Variants in MFSD11 observed in about 807,000 individuals in gnomAD.
The protein encoded by MFSD11 is major facilitator superfamily domain containing 11.
In MFSD11, 36 loss-of-function variants were observed where a neutral mutation model predicts 53.5. That is an observed-to-expected ratio of 0.67 (90% CI 0.52 to 0.89). The LOEUF (loss-of-function observed/expected upper bound fraction) is 0.89, where lower values mean the gene tolerates loss of function less well. Among genes scored for constraint, MFSD11 ranks in the 40% least tolerant of loss-of-function variants. MFSD11 has a pLI of 0.00. For missense variants in MFSD11, 530 were observed against 543.9 expected, an observed-to-expected ratio of 0.97 and a Z score of 0.25; for synonymous variants, 186 against 184.9, an observed-to-expected ratio of 1.01 and a Z score of -0.05.
intron 10 of MFSD11, among the ~76,000 whole-genome samples, chr17:76,773,669 G>A (rs569539193): frequency 3.3e-5 from 5 of 152,084 alleles, no homozygotes; most frequent in South Asian, 2.1e-4. Context: ...GTGCAGTGGC[G>A]CAATCTTGGC....
chr17:76,777,080 A>C (rs2081905171), intron 12 of MFSD11, among the ~76,000 whole-genome samples: 2 of 152,074 alleles, frequency 1.3e-5, no homozygotes, highest in Admixed American at 6.5e-5. Flanking sequence ...ATCCTGGCTA[A>C]CACGGTGAAA....
At chr17:76,785,542 G>C (rs896100970), downstream of MFSD11, among the ~76,000 whole-genome samples, 5 of 151,712 alleles carry the variant, frequency 3.3e-5, no homozygotes, top group Non-Finnish European at 1.5e-5. Context: ...GTTTCACCAT[G>C]CTGCCAGGCT....
chr17:76,758,811 G>A (rs761887565), intron 8 of MFSD11, among the ~76,000 whole-genome samples: 1 of 152,018 alleles, frequency 6.6e-6, no homozygotes, highest in Non-Finnish European at 1.5e-5. Context: ...CTTGAACAGC[G>A]TGGGGCATGG....
chr17:76,750,723 ATCT>A (rs749935409), intron 7 of MFSD11, among the ~76,000 whole-genome samples: 4 of 151,076 alleles, frequency 2.6e-5, no homozygotes, highest in Admixed American at 2.6e-4. Flanking sequence ...AGTTAACAAG[ATCT>A]TCTTTACATT....
intron 12 of MFSD11, among the ~76,000 whole-genome samples, chr17:76,777,892 T>TG (rs2144952009): frequency 6.6e-6 from 1 of 152,314 alleles, no homozygotes; most frequent in East Asian, 1.9e-4. Flanking sequence ...TTGTGCAGGC[T>TG]GGTCTTGAAC....
intron 2 of MFSD11, among the ~76,000 whole-genome samples, chr17:76,739,709 G>T (rs980307985): frequency 3.9e-5 from 6 of 152,068 alleles, no homozygotes; most frequent in Non-Finnish European, 7.4e-5. Flanking sequence ...AGATTGGATC[G>T]TGGCACTCCC....
chr17:76,745,812 C>T (rs59567050), intron 7 of MFSD11, among the ~76,000 whole-genome samples: 3,950 of 149,000 alleles, frequency 0.027, 155 homozygotes, highest in African/African-American at 0.086. Context: ...TTATTATTTA[C>T]TTATTTATTT....
the MFSD11 span, among the ~76,000 whole-genome samples, chr17:76,791,438 A>G: frequency 6.7e-6 from 1 of 148,292 alleles, no homozygotes; most frequent in African/African-American, 2.5e-5. Context: ...TCTCAGTTTT[A>G]TATCTTAGAA....
the MFSD11 span, among the ~76,000 whole-genome samples, chr17:76,795,717 C>T: frequency 2.0e-5 from 3 of 151,872 alleles, no homozygotes; most frequent in African/African-American, 4.8e-5. Flanking sequence ...AATTTCCTAC[C>T]AGATCAGCTC....
downstream of MFSD11, chr17:76,781,558 C>T (rs150185131): frequency 3.3e-4 from 50 of 152,358 alleles, no homozygotes; most frequent in African/African-American, 1.2e-3. Context: ...TCCCAAGCCT[C>T]GCATTCTCCA....
chr17:76,739,050 A>T, intron 2 of MFSD11, 57 bp downstream of exon 2: 1 of 1,291,308 alleles, frequency 7.7e-7, no homozygotes, highest in Non-Finnish European at 1.1e-6. Flanking sequence ...CTTAAATCTC[A>T]TCAGAATCAC....
intron 8 of MFSD11, 91 bp downstream of exon 8, chr17:76,754,178 G>A (rs1219683140): frequency 2.9e-6 from 3 of 1,025,958 alleles, no homozygotes; most frequent in Admixed American, 1.9e-5. Context: ...TTGGATTGAT[G>A]ACACCCCAGG....
At chr17:76,788,310 A>T in the MFSD11 span, among the ~76,000 whole-genome samples, 1 of 149,204 alleles carries the variant, frequency 6.7e-6, no homozygotes, top group Non-Finnish European at 1.5e-5. Flanking sequence ...CCAACATGCT[A>T]GGATTACAGG....
the MFSD11 span, among the ~76,000 whole-genome samples, chr17:76,791,614 C>T: frequency 3.4e-5 from 5 of 148,452 alleles, 1 homozygote; most frequent in Admixed American, 2.0e-4. Context: ...GTGGGGGAGC[C>T]GCACGGGGTG....
intron 10 of MFSD11, among the ~76,000 whole-genome samples, chr17:76,771,500 A>G (rs2081374838): frequency 6.6e-6 from 1 of 152,252 alleles, no homozygotes; most frequent in Non-Finnish European, 1.5e-5. Flanking sequence ...ACCTGCCCAT[A>G]TAGAGCTTAT....
chr17:76,743,289 G>T (rs939625383), intron 5 of MFSD11, 109 bp from the exon 6 acceptor site: 6 of 706,982 alleles, frequency 8.5e-6, no homozygotes, highest in African/African-American at 3.8e-5. Flanking sequence ...TAAAAATGAT[G>T]TCCTTCTCTC....
chr17:76,776,278 T>G lies in MFSD11; in HGVS notation c.1050-128T>G. On this transcript the variant is annotated intron_variant, in intron 11 of 12. Coordinates refer to ENST00000685175, the MANE Select transcript of MFSD11 (RefSeq NM_001242532.5). The surrounding 1 kb of genome is among the most constrained non-coding windows in gnomAD (Gnocchi z 4.2). ...CCAGGTGTGAGCCACCGCACCAGCT[T>G]TGTCTTTATTTTTGTTTCATAGTGT... is the stretch of plus-strand genomic sequence containing the variant. The G allele has an allele frequency of 2.1e-6, 2 of 961,166 alleles. No individual in the cohort carries two copies. The highest frequency in any genetic ancestry group is 3.0e-6 in the Non-Finnish European group (2 of 661,682). The allele number at this position is 961,166 out of a possible 1,614,324, so 59.5% of individuals were successfully genotyped here.
At chr17:76,802,796 A>G in the MFSD11 span, among the ~76,000 whole-genome samples, 1 of 152,054 alleles carries the variant, frequency 6.6e-6, no homozygotes, top group Non-Finnish European at 1.5e-5. Flanking sequence ...GACAATTGCA[A>G]AGGAGTTCCA....
chr17:76,741,823 T>C (rs1282796784), intron 3 of MFSD11, 146 bp from the exon 4 acceptor site: 8 of 1,238,278 alleles, frequency 6.5e-6, no homozygotes, highest in South Asian at 5.8e-5. Flanking sequence ...AGAAAGTTGA[T>C]TGTGTCCCTT....
Sources: gnomAD v4.1 joint callset for allele counts (sites outside exome capture counted in the v4.1 genomes callset) on GRCh38, gnomAD v4.1.1 for gene constraint, Gnocchi (gnomAD v3.1) non-coding constraint, MANE v1.5 for transcripts, NCBI Gene and HGNC (gene_info 2026-07-23, HGNC 2026-07-21) for gene names.